GALNT15: variants seen among roughly 807,000 people sequenced by gnomAD.
The protein encoded by GALNT15 is UDP-GalNAc transferase T15.
GALNT15 carries 67 observed loss-of-function variants against 66.8 expected under a neutral mutation model. The observed-to-expected ratio is 1.00, with a 90% CI of 0.82 to 1.23. The LOEUF (loss-of-function observed/expected upper bound fraction) is 1.23. GALNT15 is among the 50% of genes most tolerant of loss of function. The pLI is 0.00. For missense variants in GALNT15, 827 were observed against 804.3 expected (o/e 1.03, Z -0.34); for synonymous variants, 313 against 311.5 (o/e 1.00, Z -0.05).
chr3:16,197,784 G>A (rs963165242), intron 2 of GALNT15, among the ~76,000 whole-genome samples: 2 of 152,200 alleles, frequency 1.3e-5, no homozygotes, highest in Non-Finnish European at 2.9e-5. Context: ...TATTACTGCT[G>A]TTTTCTGGAG....
Position 16,175,646 on chromosome 3 carries a change from C to G in GALNT15, c.495C>G (p.Ala165=). 3 of 1,611,152 alleles carry G rather than the reference C, an allele frequency of 1.9e-6. No homozygotes were observed. The highest frequency in any genetic ancestry group is 2.5e-6 in the Non-Finnish European group (3 of 1,178,966). Reference sequence around the variant, plus strand: ...GTGGCCTCCAGGAGGCACTCAGTGCCCGCATCCCCCTCCAGAGGGCTCTGC... The same window carrying G: ...GTGGCCTCCAGGAGGCACTCAGTGCGCGCATCCCCCTCCAGAGGGCTCTGC... ...DPRGLQEALS[A]RIPLQRALPE... is the part of the protein sequence containing the mutation. Residue 165 remains alanine, a synonymous_variant, in exon 1 of 10, where the codon GCC becomes GCG. Transcript: ENST00000339732. This position sits in a 1 kb window ranked among gnomAD's most constrained non-coding sequence, Gnocchi z 5.6.
At position 16,212,570 on chromosome 3, in the gene GALNT15, C is replaced by A. The variant is rs779927324; in HGVS notation, c.1199C>A (p.Ala400Asp). Reference sequence around the variant, plus strand: ...GTTTATCTTTTCCCTTCGTGGCAGGCCTGGCTCTGTGGTGGCTCTGTTGAA... The same window carrying A: ...GTTTATCTTTTCCCTTCGTGGCAGGACTGGCTCTGTGGTGGCTCTGTTGAA... The part of the protein sequence containing the change: ...GGENLELSFK[A>D]WLCGGSVEIL... Residue 400 changes from alanine (A) to aspartate (D), a missense_variant and splice_region_variant, in exon 6 of 10, where the codon GCC becomes GAC. By Grantham distance (126) the Ala-to-Asp change is moderately radical (BLOSUM62 -2). Coordinates refer to ENST00000339732, the MANE Select transcript of GALNT15 (RefSeq NM_054110.5). The A allele has an allele frequency of 6.2e-7, 1 of 1,611,868 alleles. No individual in the cohort carries two copies. Among genetic ancestry groups the A allele is most frequent in the Non-Finnish European group, 8.5e-7 (1 of 1,178,586 alleles).
At chr3:16,241,271 T>C in the GALNT15 span, among the ~76,000 whole-genome samples, 1 of 152,192 alleles carries the variant, frequency 6.6e-6, no homozygotes, top group Non-Finnish European at 1.5e-5. The surrounding 1 kb of genome is among the most constrained non-coding windows in gnomAD (Gnocchi z 4.6). Context: ...TACATGCTTG[T>C]TGAACTTCAA....
the GALNT15 span, among the ~76,000 whole-genome samples, chr3:16,245,047 C>G: frequency 6.6e-6 from 1 of 152,148 alleles, no homozygotes; most frequent in Non-Finnish European, 1.5e-5. Context: ...AGCACCCTGG[C>G]TTGCTAGGAC....
rs538692762 is a variant in GALNT15 at position 16,223,082 on chromosome 3, C to T, written c.1773+324C>T. ...GGATGGTGAGGCATGTTACAAGGAA[C>T]GTTCAGCCACCTTGGTGGTGTGGTT... is the stretch of plus-strand genomic sequence containing the variant. On this transcript the variant is annotated intron_variant, in intron 9 of 9. Transcript: ENST00000339732. Among the ~76,000 whole-genome samples the T allele has an allele frequency of 3.3e-5, 5 of 152,208 alleles. No individual in the cohort carries two copies. The East Asian group carries it at 7.7e-4, about 23-fold the overall frequency.
chr3:16,178,154 T>C (rs2063430841), intron 1 of GALNT15, among the ~76,000 whole-genome samples: 1 of 152,182 alleles, frequency 6.6e-6, no homozygotes. Flanking sequence ...GTGTGAGTGA[T>C]ACATGTGTAT....
In GALNT15 at chr3:16,183,267, C is replaced by T. The variant is rs2063487593; in HGVS notation, c.539+7577C>T. The stretch of plus-strand genomic sequence containing the variant: ...CAGAATCAGCCTCCACTGCAGACTC[C>T]AGCCCTTTCCTCCCATCTCTCTTGT... On this transcript the variant is annotated intron_variant, in intron 1 of 9. Transcript: ENST00000339732. This position sits in a 1 kb window ranked among gnomAD's most constrained non-coding sequence, Gnocchi z 5.2. 1 of 152,298 alleles carries T rather than the reference C, an allele frequency of 6.6e-6. No individual in the cohort carries two copies. The highest frequency in any genetic ancestry group is 1.5e-5 in the Non-Finnish European group (1 of 68,120). The allele number at this position is 152,298 out of a possible 1,614,324, so 9.4% of individuals were successfully genotyped here.
chr3:16,206,993 A>G (rs1453655288), intron 3 of GALNT15, among the ~76,000 whole-genome samples: 1 of 152,162 alleles, frequency 6.6e-6, no homozygotes, highest in Admixed American at 6.5e-5. Context: ...TTAGGTCAAT[A>G]CAGGGTACCC....
intron 9 of GALNT15, among the ~76,000 whole-genome samples, chr3:16,223,576 C>A (rs547564795): frequency 3.3e-5 from 5 of 152,040 alleles, no homozygotes; most frequent in African/African-American, 1.2e-4. Context: ...AGAAGAAAAT[C>A]GTATGATAGA....
chr3:16,246,526 G>T, the GALNT15 span, among the ~76,000 whole-genome samples: 1 of 152,010 alleles, frequency 6.6e-6, no homozygotes, highest in African/African-American at 2.4e-5. Context: ...GTTTCACCAT[G>T]TTGGCCAGGA....
chr3:16,196,144 C>T (rs543891865), intron 2 of GALNT15, among the ~76,000 whole-genome samples: 1 of 152,232 alleles, frequency 6.6e-6, no homozygotes, highest in South Asian at 2.1e-4. Flanking sequence ...AGAAAGAGCC[C>T]TGCAGGGGAA....
chr3:16,206,534 G>A (rs28698201), intron 3 of GALNT15, among the ~76,000 whole-genome samples: 11,462 of 150,994 alleles, frequency 0.076, 637 homozygotes, highest in African/African-American at 0.15. Context: ...TTAGCCGGGC[G>A]TTGTGGCGGG....
At position 16,229,830 on chromosome 3, in the gene GALNT15, C is replaced by T. The variant is rs2064065140; in HGVS notation, c.*2330C>T. On this transcript the variant is annotated 3_prime_UTR_variant, in exon 10 of 10. Coordinates refer to ENST00000339732, the MANE Select transcript of GALNT15 (RefSeq NM_054110.5). Reference sequence around the variant, plus strand: ...TGAACAAAGCAAGAATATGGTGTTTCTTGCTTCCTTAACCAGCTCCATGAT... The same window carrying T: ...TGAACAAAGCAAGAATATGGTGTTTTTTGCTTCCTTAACCAGCTCCATGAT... 1 of 740,458 alleles carries T rather than the reference C, an allele frequency of 1.4e-6. No individual in the cohort carries two copies. The highest frequency in any genetic ancestry group is 6.1e-5 in the South Asian group (1 of 16,460). The allele number at this position is 740,458 out of a possible 1,614,324, so 45.9% of individuals were successfully genotyped here. A position where few individuals can be genotyped will look rare whatever the true frequency, so the allele number is the denominator to read the frequency against.
chr3:16,203,092 A>G lies in GALNT15; in HGVS notation c.911+2269A>G, dbSNP rs1270076674. Among the ~76,000 whole-genome samples, 4 of 152,220 alleles carry G rather than the reference A, an allele frequency of 2.6e-5. No individual in the cohort carries two copies. The highest frequency in any genetic ancestry group is 5.9e-5 in the Non-Finnish European group (4 of 68,044). On this transcript the variant is annotated intron_variant, in intron 3 of 9. Coordinates refer to ENST00000339732, the MANE Select transcript of GALNT15 (RefSeq NM_054110.5). This position sits in a 1 kb window ranked among gnomAD's most constrained non-coding sequence, Gnocchi z 6.2. ...TTTATAGGGGGAGAAATTGAGGCTCAGAGAGGTGACATGATATGTAAGGGC... is the reference window on the plus strand; with the variant it reads ...TTTATAGGGGGAGAAATTGAGGCTCGGAGAGGTGACATGATATGTAAGGGC...
rs141629207 is a variant in GALNT15 at position 16,176,340 on chromosome 3, C to G, written c.539+650C>G. 5.9e-5 allele frequency among the ~76,000 whole-genome samples: 9 copies of G among 152,230 alleles called. No individual in the cohort carries two copies. Among genetic ancestry groups the G allele is most frequent in the Non-Finnish European group, 1.2e-4 (8 of 68,032 alleles). Reference sequence around the variant, plus strand: ...TAGGTATGAAAACAAGGTGAAGTTGCTTTCCCAGTCACGCTGCTAGTAGGT... The same window carrying G: ...TAGGTATGAAAACAAGGTGAAGTTGGTTTCCCAGTCACGCTGCTAGTAGGT... On this transcript the variant is annotated intron_variant, in intron 1 of 9. Coordinates refer to ENST00000339732, the MANE Select transcript of GALNT15 (RefSeq NM_054110.5). The surrounding 1 kb of genome is among the most constrained non-coding windows in gnomAD (Gnocchi z 5.6).
rs2063528865 is a variant in GALNT15 at position 16,187,428 on chromosome 3, C to G, written c.540-8332C>G. ...CACTGAATATTAAGATGGCCTCACT[C>G]TCAGACCTGGCAGCTGATGCTGGTC... is the stretch of plus-strand genomic sequence containing the variant. On this transcript the variant is annotated intron_variant, in intron 1 of 9. Transcript: ENST00000339732. This position sits in a 1 kb window ranked among gnomAD's most constrained non-coding sequence, Gnocchi z 5.1. 6.6e-6 allele frequency among the ~76,000 whole-genome samples: 1 copy of G among 152,232 alleles called. No individual in the cohort carries two copies. The highest frequency in any genetic ancestry group is 6.5e-5 in the Admixed American group (1 of 15,292).
Position 16,209,914 on chromosome 3 carries a change from T to A in GALNT15, c.1080-1210T>A, listed in dbSNP as rs1340932433. Among the ~76,000 whole-genome samples, 1 of 152,256 alleles carries A rather than the reference T, an allele frequency of 6.6e-6. No individual in the cohort carries two copies. The highest frequency in any genetic ancestry group is 1.9e-4 in the East Asian group (1 of 5,206). Reference sequence around the variant, plus strand: ...CATTGGCCTTATTTATCCCACTTACTGCTTACTGTGAAAATATGTGTGTTT... The same window carrying A: ...CATTGGCCTTATTTATCCCACTTACAGCTTACTGTGAAAATATGTGTGTTT... On this transcript the variant is annotated intron_variant, in intron 4 of 9. Coordinates refer to ENST00000339732, the MANE Select transcript of GALNT15 (RefSeq NM_054110.5). This position sits in a 1 kb window ranked among gnomAD's most constrained non-coding sequence, Gnocchi z 4.1.
At chr3:16,245,615 T>C in the GALNT15 span, among the ~76,000 whole-genome samples, 1 of 152,182 alleles carries the variant, frequency 6.6e-6, no homozygotes, top group Non-Finnish European at 1.5e-5. Context: ...TTGAACCGGT[T>C]TGGTCCTGTA....
At chr3:16,247,097 A>AGTGTGTGTGTGTGTGTGT in the GALNT15 span, among the ~76,000 whole-genome samples, 1 of 144,800 alleles carries the variant, frequency 6.9e-6, no homozygotes, top group East Asian at 2.0e-4. Context: ...CAAAGACTGT[A>AGTGTGTGTGTGTGTGTGT]GTGTGTGTGT....
Sources: gnomAD v4.1 joint callset for allele counts (sites outside exome capture counted in the v4.1 genomes callset) on GRCh38, gnomAD v4.1.1 for gene constraint, Gnocchi (gnomAD v3.1) non-coding constraint, MANE v1.5 for transcripts, NCBI Gene and HGNC (gene_info 2026-07-23, HGNC 2026-07-21) for gene names.